The following DMD variants were observed in gnomAD, a reference collection of about 807,000 sequenced individuals.
DMD encodes dystrophin.
Under a neutral mutation model 330.1 loss-of-function variants are expected in DMD, and 63 were observed. That is an observed-to-expected ratio of 0.19 (90% CI 0.16 to 0.24). The LOEUF (loss-of-function observed/expected upper bound fraction) is 0.24. DMD is among the 10% of genes least tolerant of loss of function. The pLI is 1.00. For missense variants in DMD, 3,344 were observed against 2,684.1 expected, an observed-to-expected ratio of 1.25 and a Z score of -5.43; for synonymous variants, 1,223 against 959.8, an observed-to-expected ratio of 1.27 and a Z score of -5.07.
At chrX:33,334,455 A>G (rs1309322782) in intron 1 of DMD, among the ~76,000 whole-genome samples, 2 of 111,260 alleles carry the variant, frequency 1.8e-5, no homozygotes, top group African/African-American at 6.5e-5. Flanking sequence ...CGAGGGCCAG[A>G]TAGTAAATAT....
At chrX:31,894,252 G>T (rs1034944861) in intron 47 of DMD, among the ~76,000 whole-genome samples, 1 of 112,061 alleles carries the variant, frequency 8.9e-6, no homozygotes, top group African/African-American at 3.2e-5. Context: ...TTATTTACAG[G>T]ATTTAAACGT....
At chrX:33,066,674 TTTAATTCTGCCTA>T (rs1160297293) in intron 1 of DMD, among the ~76,000 whole-genome samples, 2 of 110,059 alleles carry the variant, frequency 1.8e-5, no homozygotes, top group African/African-American at 6.6e-5. Flanking sequence ...CATTTAAACC[TTTAATTCTGCCTA>T]AAGTTCTGCC....
At chrX:32,499,644 A>G (rs2043844061) in intron 19 of DMD, among the ~76,000 whole-genome samples, 1 of 111,534 alleles carries the variant, frequency 9.0e-6, no homozygotes, top group Admixed American at 9.6e-5. Context: ...TTCTGGACTT[A>G]TAAATTTAAG....
intron 9 of DMD, among the ~76,000 whole-genome samples, chrX:32,680,605 T>G (rs917126486): frequency 2.7e-5 from 3 of 112,571 alleles, no homozygotes; most frequent in African/African-American, 9.7e-5. Flanking sequence ...TCTCAAATTA[T>G]GAATGCCCAA....
chrX:31,653,266 T>C (rs1051055779), intron 54 of DMD, among the ~76,000 whole-genome samples: 3 of 111,463 alleles, frequency 2.7e-5, no homozygotes, highest in African/African-American at 9.8e-5. Context: ...ATCATTAAAA[T>C]ACAAAACAGT....
At chrX:31,277,895 T>C (rs1328457625) in intron 62 of DMD, among the ~76,000 whole-genome samples, 2 of 110,282 alleles carry the variant, frequency 1.8e-5, no homozygotes, top group African/African-American at 6.6e-5. Context: ...AAACTACCTA[T>C]TGGGTACTAT....
At chrX:32,484,204 A>C (rs1166745537) in intron 21 of DMD, among the ~76,000 whole-genome samples, 1 of 111,604 alleles carries the variant, frequency 9.0e-6, no homozygotes, top group Non-Finnish European at 1.9e-5. Context: ...CTATTTCTTA[A>C]AGGTGGTCAT....
chrX:31,261,158 G>C, intron 62 of DMD, 142 bp from the exon 63 acceptor site: 1 of 498,088 alleles, frequency 2.0e-6, no homozygotes, highest in Non-Finnish European at 3.4e-6. Context: ...CTTCCATAGT[G>C]TATTGAAGAA....
At chrX:31,245,534 C>T (rs2048746270) in intron 63 of DMD, among the ~76,000 whole-genome samples, 1 of 112,055 alleles carries the variant, frequency 8.9e-6, no homozygotes, top group Non-Finnish European at 1.9e-5. Flanking sequence ...GTGAAAATTG[C>T]ATTGTTTACA....
intron 1 of DMD, among the ~76,000 whole-genome samples, chrX:33,295,220 C>T (rs115602798): frequency 9.0e-6 from 1 of 110,891 alleles, no homozygotes; most frequent in African/African-American, 3.3e-5. Flanking sequence ...ATTTCACTGT[C>T]GTCTACACTT....
chrX:32,612,620 A>G (rs1476728270), intron 12 of DMD, among the ~76,000 whole-genome samples: 1 of 111,190 alleles, frequency 9.0e-6, no homozygotes, highest in Non-Finnish European at 1.9e-5. Flanking sequence ...GAGGGCAGAT[A>G]TAGTGTCAAC....
chrX:31,336,695 A>G (rs1267874218), intron 61 of DMD, among the ~76,000 whole-genome samples: 2 of 111,739 alleles, frequency 1.8e-5, no homozygotes, highest in African/African-American at 3.3e-5. Flanking sequence ...TGTAATACAC[A>G]GAGATAAACA....
intron 2 of DMD, among the ~76,000 whole-genome samples, chrX:32,950,441 G>T (rs748344973): frequency 9.0e-6 from 1 of 111,136 alleles, no homozygotes; most frequent in South Asian, 3.8e-4. Context: ...TATGCTTAGG[G>T]AGATCACTCT....
At chrX:32,461,966 A>AT (rs1026161515) in intron 25 of DMD, among the ~76,000 whole-genome samples, 83 of 107,573 alleles carry the variant, frequency 7.7e-4, no homozygotes, top group African/African-American at 2.3e-3. Flanking sequence ...GACTTTTCTA[A>AT]TTTTTTTTTT....
intron 57 of DMD, among the ~76,000 whole-genome samples, chrX:31,480,554 TTGTGTGTGTGTGTGTGTG>T (rs60621342): frequency 3.3e-5 from 3 of 91,335 alleles, no homozygotes; most frequent in African/African-American, 1.2e-4. Context: ...ATCTCCATGT[TTGTGTGTGTGTGTGTGTG>T]TGTGTGTGTG....
intron 1 of DMD, among the ~76,000 whole-genome samples, chrX:33,191,833 A>G (rs1268002615): frequency 8.9e-6 from 1 of 111,944 alleles, no homozygotes; most frequent in East Asian, 2.8e-4. Flanking sequence ...TCTTTCCACC[A>G]TTCATACCCA....
chrX:32,351,319 A>C (rs1268976926), intron 37 of DMD, among the ~76,000 whole-genome samples: 1 of 110,595 alleles, frequency 9.0e-6, no homozygotes, highest in Non-Finnish European at 1.9e-5. Context: ...ATGAGTCTTT[A>C]TTTTACCAAG....
chrX:31,720,714 C>G (rs2085405117), intron 52 of DMD, among the ~76,000 whole-genome samples: 1 of 109,868 alleles, frequency 9.1e-6, no homozygotes, highest in South Asian at 3.9e-4. Context: ...ATTTGTTAAC[C>G]CAGATCTTTC....
intron 44 of DMD, among the ~76,000 whole-genome samples, chrX:32,069,215 T>A (rs1220762233): frequency 9.0e-6 from 1 of 111,573 alleles, no homozygotes; most frequent in Non-Finnish European, 1.9e-5. Context: ...CCAATTACCC[T>A]GATTTGATCA....
Sources: allele counts gnomAD v4.1 joint callset (sites outside exome capture counted in the v4.1 genomes callset), GRCh38; gene constraint gnomAD v4.1.1; transcripts MANE v1.5; gene names NCBI Gene and HGNC (gene_info 2026-07-23, HGNC 2026-07-21).